The following TENM3 variants were observed in gnomAD, a reference collection of about 807,000 sequenced individuals.
TENM3 encodes the protein teneurin transmembrane protein 3, also known as teneurin-3.
In TENM3, 63 loss-of-function variants were observed where a neutral mutation model predicts 255.1. The observed-to-expected ratio is 0.25, with a 90% CI of 0.20 to 0.30. The LOEUF is 0.30. TENM3 is among the 10% of genes least tolerant of loss of function. TENM3 has a pLI of 1.00. For missense variants in TENM3, 2,929 were observed against 3,461.1 expected (o/e 0.85, Z 3.86); for synonymous variants, 1,306 against 1,322.3 (o/e 0.99, Z 0.27).
the TENM3 span, among the ~76,000 whole-genome samples, chr4:181,932,741 A>G: frequency 6.6e-6 from 1 of 152,234 alleles, no homozygotes; most frequent in Non-Finnish European, 1.5e-5. Context: ...ACTGTTCACA[A>G]TAGCAAAGAC....
At chr4:182,309,173 G>C (rs1475326566) in intron 1 of TENM3, among the ~76,000 whole-genome samples, 2 of 152,176 alleles carry the variant, frequency 1.3e-5, no homozygotes, top group East Asian at 3.9e-4. Flanking sequence ...GGAGGAAGTG[G>C]GGTTTGGGAA....
chr4:181,797,630 G>T, the TENM3 span, among the ~76,000 whole-genome samples: 1 of 152,138 alleles, frequency 6.6e-6, no homozygotes, highest in Non-Finnish European at 1.5e-5. Flanking sequence ...AGAAGGACTT[G>T]AGCCCAAGAA....
chr4:181,590,984 G>T, the TENM3 span, among the ~76,000 whole-genome samples: 1 of 152,152 alleles, frequency 6.6e-6, no homozygotes, highest in Middle Eastern at 3.4e-3. Flanking sequence ...TACTTATATT[G>T]ATATTATTCT....
the TENM3 span, among the ~76,000 whole-genome samples, chr4:181,646,218 C>G: frequency 6.6e-6 from 1 of 152,184 alleles, no homozygotes; most frequent in Non-Finnish European, 1.5e-5. Context: ...TGAGCCTGCT[C>G]ACATCTACCT....
At chr4:182,031,432 T>C in the TENM3 span, among the ~76,000 whole-genome samples, 6 of 152,230 alleles carry the variant, frequency 3.9e-5, no homozygotes, top group African/African-American at 1.4e-4. Context: ...TTTGTACCAG[T>C]ACCATGCTGT....
At chr4:181,523,021 A>C in the TENM3 span, 1 of 628,258 alleles carries the variant, frequency 1.6e-6, no homozygotes, top group South Asian at 1.4e-5. Flanking sequence ...TAATTTGAAG[A>C]TTGTAGAAGA....
chr4:182,084,219 T>A, the TENM3 span, among the ~76,000 whole-genome samples: 1 of 152,162 alleles, frequency 6.6e-6, no homozygotes, highest in African/African-American at 2.4e-5. Context: ...CTGCCTCCTC[T>A]CCACTGCATT....
At chr4:182,326,314 G>A (rs977464284) in intron 2 of TENM3, among the ~76,000 whole-genome samples, 11 of 152,142 alleles carry the variant, frequency 7.2e-5, no homozygotes, top group Non-Finnish European at 1.6e-4. Context: ...CTGGTGAGGT[G>A]GGTCCCGGTA....
the TENM3 span, among the ~76,000 whole-genome samples, chr4:181,558,121 AG>A: frequency 6.6e-6 from 1 of 152,242 alleles, no homozygotes; most frequent in Non-Finnish European, 1.5e-5. Context: ...AGTACTATTG[AG>A]AAAGTTCAGC....
At chr4:182,538,418 G>T (rs1740548004) in intron 3 of TENM3, among the ~76,000 whole-genome samples, 1 of 152,316 alleles carries the variant, frequency 6.6e-6, no homozygotes. Context: ...CATACCTGGG[G>T]ACGGAGGAAG....
chr4:181,602,645 G>A, the TENM3 span, among the ~76,000 whole-genome samples: 1 of 152,136 alleles, frequency 6.6e-6, no homozygotes, highest in Non-Finnish European at 1.5e-5. Flanking sequence ...AATAGGCAGG[G>A]AAAAAGAGGT....
Position 182,751,877 on chromosome 4 carries a change from G to T in TENM3, c.3707G>T (p.Arg1236Leu), listed in dbSNP as rs367732296. ...CTGTACGTTTCTGACACAAACACCC[G>T]CAGAATTTATCGCCCAAAGTCACTT... is the stretch of plus-strand genomic sequence containing the variant. ...GDLYVSDTNTRRIYRPKSLTG... is the reference protein window; with the variant it reads ...GDLYVSDTNTLRIYRPKSLTG... Residue 1236 changes from arginine (R) to leucine (L), a missense_variant, in exon 20 of 28, where the codon CGC (arginine) becomes CTC (leucine). By Grantham distance (102) the Arg-to-Leu change is moderately radical. Coordinates refer to ENST00000511685, the MANE Select transcript of TENM3 (RefSeq NM_001080477.4). 1.9e-6 allele frequency: 3 copies of T among 1,613,744 alleles called. No individual in the cohort carries two copies. Among genetic ancestry groups the T allele is most frequent in the Middle Eastern group, 1.6e-4 (1 of 6,062 alleles).
the TENM3 span, among the ~76,000 whole-genome samples, chr4:181,675,343 T>C: frequency 6.6e-6 from 1 of 152,118 alleles, no homozygotes; most frequent in Non-Finnish European, 1.5e-5. Flanking sequence ...TAGGTAGTAA[T>C]AAATATGAAT....
At chr4:181,499,648 AAT>A in the TENM3 span, among the ~76,000 whole-genome samples, 9 of 152,210 alleles carry the variant, frequency 5.9e-5, no homozygotes, top group African/African-American at 2.2e-4. Flanking sequence ...ACTTTCTTCC[AAT>A]ATTCACAGTG....
the TENM3 span, among the ~76,000 whole-genome samples, chr4:181,518,435 T>C: frequency 6.6e-6 from 1 of 152,142 alleles, no homozygotes; most frequent in East Asian, 1.9e-4. Flanking sequence ...TGGTTTGGTT[T>C]GGTTTTATTT....
At chr4:181,632,565 C>T in the TENM3 span, among the ~76,000 whole-genome samples, 7 of 152,148 alleles carry the variant, frequency 4.6e-5, no homozygotes, top group African/African-American at 1.4e-4. Context: ...AGATCTATAT[C>T]GTAATGGAAA....
the TENM3 span, among the ~76,000 whole-genome samples, chr4:181,925,268 A>G: frequency 1.8e-4 from 28 of 152,330 alleles, no homozygotes; most frequent in African/African-American, 5.5e-4. Context: ...GCAGAGTGCA[A>G]TCGATTTCTG....
In TENM3 at chr4:182,341,538, T is replaced by C. The variant is rs182661858; in HGVS notation, c.233-5113T>C. Among the ~76,000 whole-genome samples the C allele has an allele frequency of 9.1e-4, 139 of 152,358 alleles. 1 individual carries two copies. Among genetic ancestry groups the C allele is most frequent in the African/African-American group, 3.1e-3 (130 of 41,580 alleles). On this transcript the variant is annotated intron_variant, in intron 2 of 27. Transcript: ENST00000511685. ...CCGAAGACATGGGTCCAACTCATTCTTTATGCTAACCACAGTGTTCCACAG... is the reference window on the plus strand; with the variant it reads ...CCGAAGACATGGGTCCAACTCATTCCTTATGCTAACCACAGTGTTCCACAG...
At chr4:181,714,299 G>A in the TENM3 span, among the ~76,000 whole-genome samples, 1 of 152,106 alleles carries the variant, frequency 6.6e-6, no homozygotes, top group Non-Finnish European at 1.5e-5. Flanking sequence ...AAAATTAGCT[G>A]GGTGTGGTGG....
Sources: allele counts gnomAD v4.1 joint callset (sites outside exome capture counted in the v4.1 genomes callset), GRCh38; gene constraint gnomAD v4.1.1; transcripts MANE v1.5; gene names NCBI Gene and HGNC (gene_info 2026-07-23, HGNC 2026-07-21).